Variants in FANCA observed in about 807,000 individuals in gnomAD.
FANCA encodes FA complementation group A.
Under a neutral mutation model 194.3 loss-of-function variants are expected in FANCA, and 236 were observed. The ratio of observed to expected loss-of-function variants is 1.21; its 90% CI spans 1.09 to 1.35. The LOEUF is 1.35. FANCA is among the 40% of genes most tolerant of loss of function. The pLI is 0.00. For synonymous variants in FANCA, 1,014 were observed against 715.8 expected (o/e 1.42, Z -6.65); for missense variants, 2,628 against 1,813.9 (o/e 1.45, Z -8.15).
chr16:89,739,796 T>C (rs1374038822), intron 39 of FANCA, 198 bp downstream of exon 39: 2 of 1,467,240 alleles, frequency 1.4e-6, no homozygotes, highest in East Asian at 2.5e-5. Context: ...ATAGGCCCAT[T>C]GGTCCTGGGG....
intron 14 of FANCA, among the ~76,000 whole-genome samples, chr16:89,789,749 ACTT>A (rs1021270762): frequency 6.6e-6 from 1 of 151,992 alleles, no homozygotes; most frequent in African/African-American, 2.4e-5. Context: ...CGAACCCAAA[ACTT>A]CTACAAAAAT....
At chr16:89,764,602 G>A (rs2039061463) in intron 28 of FANCA, among the ~76,000 whole-genome samples, 1 of 152,194 alleles carries the variant, frequency 6.6e-6, no homozygotes, top group South Asian at 2.1e-4. Flanking sequence ...ACCGTGCCCA[G>A]TATCTGTATA....
rs1378972224 is a variant in FANCA at position 89,788,703 on chromosome 16, G to C, written c.1359+2700C>G. On this transcript the variant is annotated intron_variant, in intron 14 of 42. Coordinates refer to ENST00000389301, the MANE Select transcript of FANCA (RefSeq NM_000135.4). ...TAGTCCCAGTTACTCTGGAAGCGGAGGCAGGAGGACTGCTTGACCCCAGGA... is the reference window on the plus strand; with the variant it reads ...TAGTCCCAGTTACTCTGGAAGCGGACGCAGGAGGACTGCTTGACCCCAGGA... 4.6e-5 allele frequency among the ~76,000 whole-genome samples: 7 copies of C among 151,852 alleles called. No individual in the cohort carries two copies. The East Asian group carries it at 1.4e-3, about 30-fold the overall frequency.
Position 89,738,259 on chromosome 16 carries a change from G to C in FANCA, c.*342C>G. The C allele has an allele frequency of 6.3e-7, 1 of 1,586,990 alleles. No individual in the cohort carries two copies. Among genetic ancestry groups the C allele is most frequent in the Non-Finnish European group, 8.6e-7 (1 of 1,167,716 alleles). ...CGAACCCACCTGAGGACGGCAGTGA[G>C]GATGAGCACCTCTAGCAGCCTGGAC... On this transcript the variant is annotated 3_prime_UTR_variant, in exon 43 of 43. Coordinates refer to ENST00000389301, the MANE Select transcript of FANCA (RefSeq NM_000135.4).
At chr16:89,816,419 C>T (rs1488698328) in intron 1 of FANCA, 118 bp downstream of exon 1, 5 of 932,442 alleles carry the variant, frequency 5.4e-6, no homozygotes, top group African/African-American at 5.3e-5. Flanking sequence ...CACAGCCCCC[C>T]GGGCGCGGCG....
chr16:89,785,001 A>T, intron 14 of FANCA, 37 bp from the exon 15 acceptor site: 2 of 1,503,330 alleles, frequency 1.3e-6, no homozygotes, highest in Non-Finnish European at 9.3e-7. Flanking sequence ...CAGGACAGCC[A>T]GGCGCGGCTG....
At chr16:89,772,785 C>T (rs928103820) in intron 22 of FANCA, among the ~76,000 whole-genome samples, 1 of 151,476 alleles carries the variant, frequency 6.6e-6, no homozygotes, top group East Asian at 2.0e-4. Context: ...CGCCACTGCA[C>T]TCCAGCCTGG....
intron 27 of FANCA, among the ~76,000 whole-genome samples, chr16:89,766,658 T>C (rs911101747): frequency 1.3e-5 from 2 of 148,782 alleles, no homozygotes; most frequent in Admixed American, 6.8e-5. Flanking sequence ...GAGGTTGCAG[T>C]GGGCCGAGAT....
intron 17 of FANCA, 146 bp from the exon 18 acceptor site, chr16:89,780,103 A>AG (rs779491282): frequency 7.8e-6 from 6 of 772,772 alleles, no homozygotes; most frequent in Admixed American, 4.0e-5. Context: ...TGCGCACAGC[A>AG]GGGGCCCTGG....
chr16:89,782,996 G>T lies in FANCA; in HGVS notation c.1566+11C>A. 1 of 1,613,300 alleles carries T rather than the reference G, an allele frequency of 6.2e-7. No homozygotes were observed. Among genetic ancestry groups the T allele is most frequent in the Non-Finnish European group, 8.5e-7 (1 of 1,179,240 alleles). ...ACAGGTGTGAGGAGTGGGCATGGAG[G>T]GACAGCTTGCCTTGAGGTCGGCCAG... is the stretch of plus-strand genomic sequence containing the variant. On this transcript the variant is annotated intron_variant, in intron 16 of 42. Coordinates refer to ENST00000389301, the MANE Select transcript of FANCA (RefSeq NM_000135.4).
intron 6 of FANCA, among the ~76,000 whole-genome samples, chr16:89,807,432 G>A (rs768341235): frequency 4.0e-5 from 6 of 150,574 alleles, no homozygotes; most frequent in African/African-American, 1.2e-4. Context: ...CCAGCCTGGC[G>A]ACATAGCAGG....
At chr16:89,807,073 C>T (rs565803241) in intron 6 of FANCA, among the ~76,000 whole-genome samples, 205 of 152,272 alleles carry the variant, frequency 1.3e-3, no homozygotes, top group African/African-American at 4.6e-3. Context: ...AGTATTGAAA[C>T]CTCTAATGAT....
intron 18 of FANCA, among the ~76,000 whole-genome samples, chr16:89,779,333 A>C (rs1291259035): frequency 2.6e-5 from 4 of 152,194 alleles, no homozygotes; most frequent in Non-Finnish European, 5.9e-5. Flanking sequence ...TGGGAGCTGC[A>C]ATCAGCTCAT....
At chr16:89,758,959 T>G (rs1325337730) in intron 29 of FANCA, among the ~76,000 whole-genome samples, 1 of 152,048 alleles carries the variant, frequency 6.6e-6, no homozygotes, top group Non-Finnish European at 1.5e-5. Flanking sequence ...CCACTCAGGA[T>G]GACATCCCAC....
chr16:89,813,835 C>T (rs200281670), intron 3 of FANCA, among the ~76,000 whole-genome samples: 4 of 111,968 alleles, frequency 3.6e-5, no homozygotes, highest in East Asian at 3.6e-4. Context: ...TGTGTGTGTC[C>T]GTGTGCACGT....
intron 15 of FANCA, 53 bp downstream of exon 15, chr16:89,784,801 G>A (rs1318842043): frequency 2.9e-6 from 4 of 1,392,150 alleles, no homozygotes; most frequent in Middle Eastern, 1.8e-4. Flanking sequence ...GTCCTCAGAT[G>A]CAGCAGGTGA....
At chr16:89,786,797 T>C (rs894203033) in intron 14 of FANCA, among the ~76,000 whole-genome samples, 21 of 152,130 alleles carry the variant, frequency 1.4e-4, no homozygotes, top group Admixed American at 1.4e-3. Context: ...TCAATACTTG[T>C]CAGTTAAAAA....
Position 89,739,131 on chromosome 16 carries a change from G to C in FANCA, c.4167+2C>G. On this transcript the variant is annotated splice_donor_variant, in intron 41 of 42. Transcript: ENST00000389301. LOFTEE classifies it high-confidence loss of function. ...GGAGGTGGGACTGGCCCTTGCACCT[G>C]CCTGACCCTTGAGCTCCAGGCTCCT... is the stretch of plus-strand genomic sequence containing the variant. The C allele has an allele frequency of 3.1e-6, 5 of 1,614,140 alleles. No homozygotes were observed. Among genetic ancestry groups the C allele is most frequent in the Non-Finnish European group, 2.5e-6 (3 of 1,180,034 alleles).
intron 27 of FANCA, among the ~76,000 whole-genome samples, chr16:89,765,550 G>A (rs148726588): frequency 1.3e-5 from 2 of 152,258 alleles, no homozygotes; most frequent in East Asian, 1.9e-4. Flanking sequence ...CTGCCTCCCA[G>A]GGGTAGGGCT....
Sources: gnomAD v4.1 joint callset for allele counts (sites outside exome capture counted in the v4.1 genomes callset) on GRCh38, gnomAD v4.1.1 for gene constraint, MANE v1.5 for transcripts, NCBI Gene and HGNC (gene_info 2026-07-23, HGNC 2026-07-21) for gene names.